Variants in NR6A1 observed in about 807,000 individuals in gnomAD.
NR6A1 encodes retinoic acid receptor-related testis-associated receptor.
Under a neutral mutation model 59.1 loss-of-function variants are expected in NR6A1, and 7 were observed. That is an observed-to-expected ratio of 0.12 (90% CI 0.07 to 0.22). The LOEUF is 0.22. Among genes scored for constraint, NR6A1 ranks in the 10% least tolerant of loss-of-function variants. The pLI is 1.00. For synonymous variants in NR6A1, 243 were observed against 236.1 expected (o/e 1.03, Z -0.27); for missense variants, 468 against 611.6 (o/e 0.77, Z 2.48).
chr9:124,560,599 C>T (rs113898835), intron 2 of NR6A1, among the ~76,000 whole-genome samples: 3,381 of 152,218 alleles, frequency 0.022, 129 homozygotes, highest in African/African-American at 0.076. Flanking sequence ...TCGCTCTTGT[C>T]GCCCAGGCTG....
intron 2 of NR6A1, among the ~76,000 whole-genome samples, chr9:124,651,414 G>C (rs1380002699): frequency 6.6e-6 from 1 of 152,104 alleles, no homozygotes. Flanking sequence ...TTGATTACTG[G>C]CTTTGTCTTA....
At chr9:124,737,740 C>T (rs1840055108) in intron 1 of NR6A1, among the ~76,000 whole-genome samples, 1 of 152,112 alleles carries the variant, frequency 6.6e-6, no homozygotes, top group African/African-American at 2.4e-5. Context: ...GCAGTGCACA[C>T]CTGTAATACC....
At chr9:124,633,369 C>G (rs1351465228) in intron 2 of NR6A1, among the ~76,000 whole-genome samples, 1 of 139,312 alleles carries the variant, frequency 7.2e-6, no homozygotes, top group Non-Finnish European at 1.5e-5. Context: ...CGCCACTGCA[C>G]TCCAGCCTGG....
At chr9:124,669,484 A>G (rs902497892) in intron 2 of NR6A1, among the ~76,000 whole-genome samples, 6 of 152,212 alleles carry the variant, frequency 3.9e-5, no homozygotes, top group African/African-American at 1.2e-4. Flanking sequence ...TACCTTCACA[A>G]TGTGGCCCTC....
At chr9:124,753,037 G>C (rs1840548889) in intron 1 of NR6A1, among the ~76,000 whole-genome samples, 1 of 152,192 alleles carries the variant, frequency 6.6e-6, no homozygotes, top group Non-Finnish European at 1.5e-5. Flanking sequence ...CTAAGACTCA[G>C]TTTACTCATT....
intron 2 of NR6A1, among the ~76,000 whole-genome samples, chr9:124,665,141 A>AC (rs1837572885): frequency 6.7e-6 from 1 of 149,674 alleles, no homozygotes; most frequent in Non-Finnish European, 1.5e-5. Flanking sequence ...AGCCATGTTC[A>AC]CCCCACTGCA....
intron 1 of NR6A1, among the ~76,000 whole-genome samples, chr9:124,751,242 A>T (rs1211211242): frequency 6.6e-6 from 1 of 152,268 alleles, no homozygotes; most frequent in Non-Finnish European, 1.5e-5. Context: ...TTAGGCTAAT[A>T]CTGCACATCA....
At chr9:124,613,985 C>A (rs921796687) in intron 2 of NR6A1, among the ~76,000 whole-genome samples, 1 of 152,088 alleles carries the variant, frequency 6.6e-6, no homozygotes, top group Non-Finnish European at 1.5e-5. Context: ...GGACCTCAGG[C>A]GGCCAAAGAC....
chr9:124,631,780 T>C (rs1008061919), intron 2 of NR6A1, among the ~76,000 whole-genome samples: 3 of 152,162 alleles, frequency 2.0e-5, no homozygotes, highest in African/African-American at 7.2e-5. Context: ...TTAAGCCTAG[T>C]ATCCATTAGT....
intron 2 of NR6A1, chr9:124,658,669 T>A (rs1837332390): frequency 6.6e-6 from 1 of 152,060 alleles, no homozygotes; most frequent in Non-Finnish European, 1.5e-5. Context: ...ATCACCCCCA[T>A]CCCCTTTTGA....
rs762128327 is a variant in NR6A1 at position 124,568,941 on chromosome 9, G to A, written c.143-14371C>T. Among the ~76,000 whole-genome samples, 52 of 151,730 alleles carry A rather than the reference G, an allele frequency of 3.4e-4. 2 individuals carry two copies. The highest frequency in any genetic ancestry group is 4.6e-4 in the African/African-American group (19 of 41,044). ...ATCCTGGCTAACACGGTGAAACACC[G>A]TCTCTACTGAAAATACAAAAAATTA... is the stretch of plus-strand genomic sequence containing the variant. On this transcript the variant is annotated intron_variant, in intron 2 of 9. Coordinates refer to ENST00000487099, the MANE Select transcript of NR6A1 (RefSeq NM_033334.4).
At chr9:124,643,048 T>A (rs1314718831) in intron 2 of NR6A1, among the ~76,000 whole-genome samples, 1 of 127,170 alleles carries the variant, frequency 7.9e-6, no homozygotes, top group Non-Finnish European at 1.5e-5. Flanking sequence ...TAGCTTTATC[T>A]AGCACCTCTC....
At chr9:124,733,462 G>T in intron 1 of NR6A1, 113 bp from the exon 2 acceptor site, 1 of 799,496 alleles carries the variant, frequency 1.3e-6, no homozygotes. Context: ...AGTCAATTTG[G>T]GTTTCAATCC....
chr9:124,567,258 A>T (rs575060005), intron 2 of NR6A1, among the ~76,000 whole-genome samples: 1 of 152,296 alleles, frequency 6.6e-6, no homozygotes, highest in South Asian at 2.1e-4. Flanking sequence ...CTATGGGAAC[A>T]GATCAGAACT....
At chr9:124,768,716 ATTAAGAG>A (rs1841013024) in intron 1 of NR6A1, among the ~76,000 whole-genome samples, 1 of 152,256 alleles carries the variant, frequency 6.6e-6, no homozygotes, top group Non-Finnish European at 1.5e-5. Context: ...GGGAAATCTG[ATTAAGAG>A]TTAAAATTAC....
chr9:124,717,238 T>G (rs765635597), intron 2 of NR6A1, among the ~76,000 whole-genome samples: 3 of 152,214 alleles, frequency 2.0e-5, no homozygotes, highest in Non-Finnish European at 4.4e-5. Context: ...AATTCCTAGA[T>G]GTATGACTAA....
At chr9:124,536,201 G>A in intron 6 of NR6A1, 69 bp from the exon 7 acceptor site, 5 of 1,547,112 alleles carry the variant, frequency 3.2e-6, no homozygotes, top group Non-Finnish European at 4.4e-6. Flanking sequence ...ACAGAGAGAA[G>A]GTAGTCCCAA....
intron 2 of NR6A1, among the ~76,000 whole-genome samples, chr9:124,666,425 T>C (rs1179186129): frequency 1.3e-5 from 2 of 151,972 alleles, no homozygotes; most frequent in Admixed American, 6.5e-5. Flanking sequence ...ACCACAGGCA[T>C]GCACCACCAT....
intron 1 of NR6A1, among the ~76,000 whole-genome samples, chr9:124,751,124 A>G (rs753984064): frequency 6.6e-6 from 1 of 152,220 alleles, no homozygotes; most frequent in Non-Finnish European, 1.5e-5. Flanking sequence ...GCTGCATGTA[A>G]TTATCACACA....
Sources: allele counts gnomAD v4.1 joint callset (sites outside exome capture counted in the v4.1 genomes callset), GRCh38; gene constraint gnomAD v4.1.1; transcripts MANE v1.5; gene names NCBI Gene and HGNC (gene_info 2026-07-23, HGNC 2026-07-21).